GRAMD1B: variants seen among roughly 807,000 people sequenced by gnomAD.
GRAMD1B encodes GRAM domain containing 1B.
GRAMD1B carries 37 observed loss-of-function variants against 99.7 expected under a neutral mutation model. That is an observed-to-expected ratio of 0.37 (90% CI 0.29 to 0.49). The LOEUF (loss-of-function observed/expected upper bound fraction) is 0.49, where lower values mean the gene tolerates loss of function less well. Ranked by LOEUF, GRAMD1B falls within the 20% of genes least tolerant of loss-of-function variation. The pLI is 0.98. For missense variants in GRAMD1B, 888 were observed against 1,009.2 expected, an observed-to-expected ratio of 0.88 and a Z score of 1.63; for synonymous variants, 427 against 387.6, an observed-to-expected ratio of 1.10 and a Z score of -1.19.
intron 2 of GRAMD1B, among the ~76,000 whole-genome samples, chr11:123,557,635 T>C (rs571996420): frequency 7.2e-5 from 11 of 152,246 alleles, no homozygotes; most frequent in African/African-American, 1.2e-4. Context: ...AATCCTCACA[T>C]GTTCCATTAA....
rs1555127430 is a variant in GRAMD1B at position 123,467,416 on chromosome 11, T to TTTA, written c.375-13400_375-13399insTTA. On this transcript the variant is annotated intron_variant, in intron 1 of 19. Transcript: ENST00000635736. ...CACCTTTTTTTTTTTTTTTTTTTTTTACTGACTTTCACTGGTTGTGCCTAA... is the reference window on the plus strand; with the variant it reads ...CACCTTTTTTTTTTTTTTTTTTTTTTTTAACTGACTTTCACTGGTTGTGCCTAA... 2.0e-4 allele frequency among the ~76,000 whole-genome samples: 28 copies of TTTA among 139,414 alleles called. 1 individual carries two copies. Among genetic ancestry groups the TTTA allele is most frequent in the Middle Eastern group, 4.0e-3 (1 of 250 alleles). 91.5% of individuals were successfully genotyped at this position (139,414 alleles called of 152,430 possible). A position where few individuals can be genotyped will look rare whatever the true frequency, so the allele number is the denominator to read the frequency against.
At position 123,430,693 on chromosome 11, in the gene GRAMD1B, G is replaced by A; in HGVS notation, c.-100G>A. ...ACTTGTTCCTTCGGCCCCAGGATTG[G>A]GGAGTGTGCCGCGGGGCCGAGGGTG... On this transcript the variant is annotated 5_prime_UTR_variant, in exon 1 of 20. Transcript: ENST00000635736. The A allele has an allele frequency of 1.7e-6, 1 of 579,304 alleles. No homozygotes were observed. The highest frequency in any genetic ancestry group is 3.2e-5 in the Admixed American group (1 of 31,592). 35.9% of individuals were successfully genotyped at this position (579,304 alleles called of 1,614,324 possible).
At chr11:123,528,375 ATGGGTTGG>A (rs1396291402) in intron 2 of GRAMD1B, among the ~76,000 whole-genome samples, 4 of 152,242 alleles carry the variant, frequency 2.6e-5, no homozygotes, top group Non-Finnish European at 4.4e-5. Context: ...AATGCCTACT[ATGGGTTGG>A]TGATATATAA....
At position 123,487,107 on chromosome 11, in the gene GRAMD1B, C is replaced by T. The variant is rs2714087; in HGVS notation, c.452+6214C>T. On this transcript the variant is annotated intron_variant, in intron 2 of 19. Coordinates refer to ENST00000635736, the MANE Select transcript of GRAMD1B (RefSeq NM_001387025.1). ...TAAAGAAGTTCACTAAGTGCTTACT[C>T]TGTGCTTAAACCTGTGTAATAAACC... Among the ~76,000 whole-genome samples, 21 of 152,174 alleles carry T rather than the reference C, an allele frequency of 1.4e-4. 1 individual carries two copies. The highest frequency in any genetic ancestry group is 1.2e-3 in the Admixed American group (19 of 15,296).
At chr11:123,368,275 A>AAAAAAAAAAAAAGAAAG (rs60644137) in intron 1 of GRAMD1B, among the ~76,000 whole-genome samples, 3 of 127,110 alleles carry the variant, frequency 2.4e-5, no homozygotes, top group Non-Finnish European at 3.1e-5. Flanking sequence ...AAAAAAAAAA[A>AAAAAAAAAAAAAGAAAG]AAAGAAAGAA....
chr11:123,598,422 T>G (rs1951552912), intron 7 of GRAMD1B: 2 of 953,994 alleles, frequency 2.1e-6, no homozygotes, highest in Non-Finnish European at 3.5e-6. Context: ...GCGTTGTACA[T>G]TTTCATGAGT....
intron 1 of GRAMD1B, among the ~76,000 whole-genome samples, chr11:123,388,089 G>A (rs548249821): frequency 1.8e-3 from 239 of 134,926 alleles, no homozygotes; most frequent in Non-Finnish European, 2.7e-3. Context: ...TTGTACCATT[G>A]CATTCCAGCC....
chr11:123,438,713 T>C (rs1949275914), intron 1 of GRAMD1B, among the ~76,000 whole-genome samples: 1 of 152,188 alleles, frequency 6.6e-6, no homozygotes, highest in Non-Finnish European at 1.5e-5. Context: ...GGTAAGGGGC[T>C]GGTATGAACA....
At chr11:123,573,812 G>A (rs542305370) in intron 2 of GRAMD1B, among the ~76,000 whole-genome samples, 16 of 152,262 alleles carry the variant, frequency 1.1e-4, no homozygotes, top group Non-Finnish European at 2.2e-4. Context: ...TACAGATTTG[G>A]GAGCCATCTT....
At position 123,622,559 on chromosome 11, in the gene GRAMD1B, G is replaced by A. The variant is rs1319023753; in HGVS notation, c.2598G>A (p.Thr866=). ...LQNGIRSRDY[T]SESEEKRNRY... ...ACGGCATCAGGTCCCGCGACTACAC[G>A]TCGGAAAGTGAAGAAAAGAGGAATC... The change falls in exon 20 of 20, where the codon ACG becomes ACA. Residue 866 remains threonine (T), a synonymous_variant. Transcript: ENST00000635736. 50 of 1,557,726 alleles carry A rather than the reference G, an allele frequency of 3.2e-5. No individual in the cohort carries two copies. Among genetic ancestry groups the A allele is most frequent in the East Asian group, 4.8e-5 (2 of 41,334 alleles).
chr11:123,530,671 G>A (rs1033674729), intron 2 of GRAMD1B, among the ~76,000 whole-genome samples: 6 of 152,164 alleles, frequency 3.9e-5, no homozygotes, highest in Non-Finnish European at 1.5e-5. Context: ...ATGAGCCATC[G>A]TGCCCAGCCT....
intron 1 of GRAMD1B, among the ~76,000 whole-genome samples, chr11:123,406,397 G>A (rs568504368): frequency 6.6e-6 from 1 of 152,236 alleles, no homozygotes; most frequent in East Asian, 1.9e-4. Flanking sequence ...GGGACTACAG[G>A]CATGTGCCAC....
chr11:123,397,591 C>T (rs374349784), intron 1 of GRAMD1B, among the ~76,000 whole-genome samples: 2 of 152,250 alleles, frequency 1.3e-5, no homozygotes, highest in South Asian at 2.1e-4. Context: ...GCAGCCTCGA[C>T]TCTCAGGCTT....
At chr11:123,462,275 G>T (rs960799624) in intron 1 of GRAMD1B, among the ~76,000 whole-genome samples, 12 of 152,164 alleles carry the variant, frequency 7.9e-5, no homozygotes, top group African/African-American at 2.9e-4. Flanking sequence ...CCAGTCATTT[G>T]TTTATTTCTA....
chr11:123,445,689 C>T (rs571009269), intron 1 of GRAMD1B, among the ~76,000 whole-genome samples: 20 of 151,826 alleles, frequency 1.3e-4, no homozygotes, highest in South Asian at 8.3e-4. Context: ...TGGTGGCACG[C>T]GCCTGTAGTC....
chr11:123,517,551 T>C (rs1941788726), intron 2 of GRAMD1B, among the ~76,000 whole-genome samples: 1 of 152,162 alleles, frequency 6.6e-6, no homozygotes, highest in South Asian at 2.1e-4. Context: ...CTTAGAGAAA[T>C]GGAGTAAGTT....
In GRAMD1B at chr11:123,558,357, A is replaced by G. The variant is rs192845941; in HGVS notation, c.453-19010A>G. 2.8e-4 allele frequency among the ~76,000 whole-genome samples: 42 copies of G among 152,288 alleles called. 1 individual carries two copies. The East Asian group carries it at 5.2e-3, about 19-fold the overall frequency. On this transcript the variant is annotated intron_variant, in intron 2 of 19. Coordinates refer to ENST00000635736, the MANE Select transcript of GRAMD1B (RefSeq NM_001387025.1). ...AGGGACATGAAAGAAAAAATAGCCTACGATCTTCTCAGGGATGTAAAACCA... is the reference window on the plus strand; with the variant it reads ...AGGGACATGAAAGAAAAAATAGCCTGCGATCTTCTCAGGGATGTAAAACCA...
chr11:123,383,658 A>C (rs1946961121), intron 1 of GRAMD1B, among the ~76,000 whole-genome samples: 2 of 151,874 alleles, frequency 1.3e-5, no homozygotes, highest in Admixed American at 1.3e-4. Context: ...TACATCATTA[A>C]TCTTTTGCTC....
At chr11:123,548,323 TATAC>T (rs1443507032) in intron 2 of GRAMD1B, among the ~76,000 whole-genome samples, 449 of 100,458 alleles carry the variant, frequency 4.5e-3, no homozygotes, top group South Asian at 8.0e-3. Context: ...TATATATATA[TATAC>T]ACACACACAC....
Sources: gnomAD v4.1 joint callset for allele counts (sites outside exome capture counted in the v4.1 genomes callset) on GRCh38, gnomAD v4.1.1 for gene constraint, MANE v1.5 for transcripts, NCBI Gene and HGNC (gene_info 2026-07-23, HGNC 2026-07-21) for gene names.